The following TENM1 variants were observed in gnomAD, a reference collection of about 807,000 sequenced individuals.
TENM1 encodes the protein teneurin-1.
TENM1 carries 35 observed loss-of-function variants against 174.8 expected under a neutral mutation model. That is an observed-to-expected ratio of 0.20 (90% CI 0.15 to 0.27). The LOEUF is 0.27. Ranked by LOEUF, TENM1 falls within the 10% of genes least tolerant of loss-of-function variation. The pLI is 1.00. For synonymous variants in TENM1, 781 were observed against 798.7 expected (o/e 0.98, Z 0.37); for missense variants, 1,633 against 2,130.1 (o/e 0.77, Z 4.59).
the TENM1 span, among the ~76,000 whole-genome samples, chrX:124,982,270 G>GAAAAAAAAAAAAAA: frequency 4.7e-4 from 5 of 10,555 alleles, no homozygotes; most frequent in Non-Finnish European, 7.7e-4. Flanking sequence ...AAGAAAATGT[G>GAAAAAAAAAAAAAA]AAAAAAAAAA....
At chrX:125,034,259 T>C in the TENM1 span, among the ~76,000 whole-genome samples, 2 of 111,937 alleles carry the variant, frequency 1.8e-5, no homozygotes, top group African/African-American at 6.5e-5. Context: ...GCAATCTGTT[T>C]GGTTTTGCAG....
chrX:124,515,512 C>A (rs1389694670), intron 18 of TENM1, among the ~76,000 whole-genome samples: 1 of 111,596 alleles, frequency 9.0e-6, no homozygotes, highest in East Asian at 2.8e-4. Context: ...GATACAAAAT[C>A]AATGTACAAA....
exon 32 of TENM1, chrX:124,377,331 A>G (rs918192705): frequency 9.0e-6 from 1 of 110,968 alleles, no homozygotes; most frequent in African/African-American, 3.3e-5. Flanking sequence ...TAGTCTATAT[A>G]TTATAGATCT....
At chrX:124,511,061 A>C (rs1234399112) in intron 18 of TENM1, among the ~76,000 whole-genome samples, 1 of 112,024 alleles carries the variant, frequency 8.9e-6, no homozygotes, top group Non-Finnish European at 1.9e-5. Context: ...TGGATATCCT[A>C]TATCTTATAA....
At chrX:124,681,107 A>G (rs2052223001) in intron 5 of TENM1, among the ~76,000 whole-genome samples, 1 of 112,060 alleles carries the variant, frequency 8.9e-6, no homozygotes, top group South Asian at 3.7e-4. Flanking sequence ...CTGAGTTAGC[A>G]TCATGTAATC....
the TENM1 span, among the ~76,000 whole-genome samples, chrX:125,172,782 T>C: frequency 8.9e-6 from 1 of 111,800 alleles, no homozygotes; most frequent in East Asian, 2.8e-4. Flanking sequence ...ATTTTATGAA[T>C]GAATTATACT....
rs764801833 is a variant in TENM1 at position 124,732,260 on chromosome X, A to G, written c.776+4697T>C. On this transcript the variant is annotated intron_variant, in intron 4 of 31. Transcript: ENST00000422452. ...TGGGGTTTAGTTTCCGGTGTTCTCA[A>G]TGTGTATGGATAGTGTCATGTGGCC... Among the ~76,000 whole-genome samples the G allele has an allele frequency of 1.3e-4, 15 of 112,199 alleles. No individual in the cohort carries two copies. In the South Asian group the frequency reaches 5.3e-3, roughly 39 times the overall value.
chrX:125,025,222 A>G, the TENM1 span, among the ~76,000 whole-genome samples: 1 of 110,829 alleles, frequency 9.0e-6, no homozygotes, highest in African/African-American at 3.3e-5. Flanking sequence ...GTCAAAATAA[A>G]GGATTAATTG....
At chrX:124,524,200 A>G (rs904938417) in intron 16 of TENM1, among the ~76,000 whole-genome samples, 1 of 111,671 alleles carries the variant, frequency 9.0e-6, no homozygotes, top group East Asian at 2.8e-4. Context: ...TTTTAACACT[A>G]TCTTAAACAA....
chrX:124,737,008 A>G (rs1324515908), exon 4 of TENM1: 1 of 1,211,530 alleles, frequency 8.3e-7, no homozygotes, highest in East Asian at 3.0e-5. Flanking sequence ...ATGCAGATGG[A>G]CTGAATCCTG....
intron 3 of TENM1, among the ~76,000 whole-genome samples, chrX:124,878,166 T>A (rs1333895321): frequency 1.8e-5 from 2 of 111,101 alleles, no homozygotes; most frequent in Non-Finnish European, 3.8e-5. Context: ...ATTTAATGAG[T>A]TTTTACCTTG....
At chrX:125,037,112 G>A in the TENM1 span, among the ~76,000 whole-genome samples, 5,326 of 110,833 alleles carry the variant, frequency 0.048, 324 homozygotes, top group African/African-American at 0.17. Flanking sequence ...TCATTTATTC[G>A]TTCCTTTATT....
intron 11 of TENM1, among the ~76,000 whole-genome samples, chrX:124,639,061 C>G (rs2050949227): frequency 8.9e-6 from 1 of 111,761 alleles, no homozygotes; most frequent in Admixed American, 9.5e-5. Flanking sequence ...TACAATTGGT[C>G]TTCTCAATAG....
chrX:124,783,223 T>C (rs2054956397), intron 3 of TENM1, among the ~76,000 whole-genome samples: 1 of 111,968 alleles, frequency 8.9e-6, no homozygotes. Flanking sequence ...ACCTATGATA[T>C]ATTGTGAGTG....
At chrX:124,853,162 A>C (rs1327614556) in intron 3 of TENM1, among the ~76,000 whole-genome samples, 1 of 111,856 alleles carries the variant, frequency 8.9e-6, no homozygotes, top group Non-Finnish European at 1.9e-5. Flanking sequence ...AAGTCAAAGC[A>C]TGTTAGATAT....
chrX:125,181,136 G>A, the TENM1 span, among the ~76,000 whole-genome samples: 4 of 111,908 alleles, frequency 3.6e-5, no homozygotes, highest in African/African-American at 9.8e-5. Flanking sequence ...ATTGTGCAAG[G>A]TGTTTTATGA....
At chrX:124,404,947 G>T in intron 27 of TENM1, 84 bp downstream of exon 30, 3 of 806,793 alleles carry the variant, frequency 3.7e-6, no homozygotes, top group Non-Finnish European at 3.6e-6. Flanking sequence ...GGGAGGCTCT[G>T]CAGTTAAACA....
intron 15 of TENM1, among the ~76,000 whole-genome samples, chrX:124,539,480 T>A (rs182007881): frequency 8.8e-4 from 98 of 111,992 alleles, no homozygotes; most frequent in Non-Finnish European, 1.5e-3. Flanking sequence ...CTTAGAAGAG[T>A]ACCTATCACT....
chrX:125,054,465 CTCT>C, the TENM1 span, among the ~76,000 whole-genome samples: 3 of 110,700 alleles, frequency 2.7e-5, no homozygotes, highest in African/African-American at 9.8e-5. Flanking sequence ...CAAATATTGT[CTCT>C]TGTTTGAGAG....
Sources: gnomAD v4.1 joint callset for allele counts (sites outside exome capture counted in the v4.1 genomes callset) on GRCh38, gnomAD v4.1.1 for gene constraint, MANE v1.5 for transcripts, NCBI Gene and HGNC (gene_info 2026-07-23, HGNC 2026-07-21) for gene names.